Variants in FAXDC2 observed in about 807,000 individuals in gnomAD.
The protein encoded by FAXDC2 is fatty acid hydroxylase domain-containing protein 2.
Under a neutral mutation model 40.9 loss-of-function variants are expected in FAXDC2, and 41 were observed. That is an observed-to-expected ratio of 1.00 (90% CI 0.78 to 1.30). The LOEUF (loss-of-function observed/expected upper bound fraction) is 1.30, where lower values mean the gene tolerates loss of function less well. Among genes scored for constraint, FAXDC2 ranks in the 50% most tolerant of loss-of-function variants. The probability of loss-of-function intolerance (pLI) is 0.00; values close to 1 mark genes in which losing one functional copy is unlikely to be tolerated. For missense variants in FAXDC2, 390 were observed against 408.8 expected, an observed-to-expected ratio of 0.95 and a Z score of 0.40; for synonymous variants, 157 against 149.3, an observed-to-expected ratio of 1.05 and a Z score of -0.38.
chr5:154,842,512 G>GTT lies in FAXDC2; in HGVS notation c.1-4336_1-4335dup, dbSNP rs772426610. On this transcript the variant is annotated intron_variant, in intron 1 of 8. Coordinates refer to ENST00000326080, the MANE Select transcript of FAXDC2 (RefSeq NM_032385.5). ...AGCCACTGCGCTCAGCCCTTTGTGT[G>GTT]TTTTTTTTTTTTTTTTTTTTTTTTT... Among the ~76,000 whole-genome samples, 305 of 51,608 alleles carry GTT rather than the reference G, an allele frequency of 5.9e-3. 68 individuals are homozygous for GTT. The highest frequency in any genetic ancestry group is 7.8e-3 in the Non-Finnish European group (204 of 26,312). The allele number at this position is 51,608 out of a possible 152,430, so 33.9% of individuals were successfully genotyped here.
In FAXDC2 at chr5:154,824,239, A is replaced by G. The variant is rs1042732842; in HGVS notation, c.367-647T>C. The stretch of plus-strand genomic sequence containing the variant: ...AGTGTCCAAAGTCCATTTGGCCTCA[A>G]TACTGCAGCCAATATTTCCCCCAGA... On this transcript the variant is annotated intron_variant, in intron 5 of 8. Transcript: ENST00000326080. The G allele has an allele frequency of 2.6e-5, 14 of 534,556 alleles. No individual in the cohort carries two copies. In the African/African-American group the frequency reaches 2.7e-4, roughly 10 times the overall value. The allele number at this position is 534,556 out of a possible 1,614,324, so 33.1% of individuals were successfully genotyped here.
intron 1 of FAXDC2, among the ~76,000 whole-genome samples, chr5:154,839,657 GA>G (rs949507499): frequency 5.0e-4 from 71 of 142,110 alleles, no homozygotes; most frequent in African/African-American, 7.2e-4. Flanking sequence ...AAAAAAGAAA[GA>G]AAAAAAAAAG....
chr5:154,834,941 G>A lies in FAXDC2; in HGVS notation c.49-7C>T, dbSNP rs2113152140. Reference sequence around the variant, plus strand: ...AGCCCCAGATGTGTCCCTCCTGGAGGAGGGCAGGGAAGTGTCAGACCCCAG... The same window carrying A: ...AGCCCCAGATGTGTCCCTCCTGGAGAAGGGCAGGGAAGTGTCAGACCCCAG... On this transcript the variant is annotated splice_polypyrimidine_tract_variant and splice_region_variant and intron_variant, in intron 2 of 8. Coordinates refer to ENST00000326080, the MANE Select transcript of FAXDC2 (RefSeq NM_032385.5). The A allele has an allele frequency of 6.3e-7, 1 of 1,575,572 alleles. No homozygotes were observed. The highest frequency in any genetic ancestry group is 8.7e-7 in the Non-Finnish European group (1 of 1,154,954).
At chr5:154,831,064 G>A in intron 4 of FAXDC2, 142 bp from the exon 5 acceptor site, 2 of 913,680 alleles carry the variant, frequency 2.2e-6, no homozygotes, top group Non-Finnish European at 1.6e-6. Context: ...GGGACCAAGG[G>A]GTTACCTGTA....
At chr5:154,823,339 C>T (rs571060043) in intron 6 of FAXDC2, 48 bp downstream of exon 6, 1 of 1,567,204 alleles carries the variant, frequency 6.4e-7, no homozygotes, top group African/African-American at 1.4e-5. Flanking sequence ...ATCAGTGAGC[C>T]CTAGACAGGA....
Position 154,837,492 on chromosome 5 carries a change from G to A in FAXDC2, c.48+639C>T, listed in dbSNP as rs1317025438. Among the ~76,000 whole-genome samples the A allele has an allele frequency of 2.0e-5, 3 of 152,066 alleles. No homozygotes were observed. The East Asian group carries it at 5.8e-4, about 29-fold the overall frequency. On this transcript the variant is annotated intron_variant, in intron 2 of 8. Transcript: ENST00000326080. ...CTGTGTTTGCTAGACTGGTGACCTT[G>A]GGCTTTTCCAGTTATTCCTTTGTTT... is the stretch of plus-strand genomic sequence containing the variant.
rs141391059 is a variant in FAXDC2, at chr5:154,842,028, G to A, written c.1-3850C>T. On this transcript the variant is annotated intron_variant, in intron 1 of 8. Coordinates refer to ENST00000326080, the MANE Select transcript of FAXDC2 (RefSeq NM_032385.5). ...GCTGGGATTACAGGCATGAGCCACC[G>A]TGCCTGGCTTGTGTCATTTTCAGCC... Among the ~76,000 whole-genome samples, 1,021 of 151,928 alleles carry A rather than the reference G, an allele frequency of 6.7e-3. 13 individuals are homozygous for A. The highest frequency in any genetic ancestry group is 0.023 in the African/African-American group (946 of 41,426).
At chr5:154,823,682 G>C (rs1759946210) in intron 5 of FAXDC2, 90 bp from the exon 6 acceptor site, 1 of 1,068,390 alleles carries the variant, frequency 9.4e-7, no homozygotes, top group Non-Finnish European at 1.4e-6. Context: ...CACTCTGGTT[G>C]GATTCTGGGA....
chr5:154,824,558 C>A, intron 5 of FAXDC2: 1 of 702,624 alleles, frequency 1.4e-6, no homozygotes, highest in Non-Finnish European at 2.6e-6. Flanking sequence ...TCTCGCCAGC[C>A]TGTTGTGAGA....
intron 5 of FAXDC2, among the ~76,000 whole-genome samples, chr5:154,829,291 A>C (rs1315896762): frequency 6.6e-6 from 1 of 152,246 alleles, no homozygotes; most frequent in Non-Finnish European, 1.5e-5. Context: ...GAGAGTAAAC[A>C]GAGCAGGAAT....
intron 1 of FAXDC2, chr5:154,838,514 C>G: frequency 3.5e-6 from 1 of 285,906 alleles, no homozygotes; most frequent in South Asian, 4.1e-5. Flanking sequence ...GTCTTCATTT[C>G]TCCCTTTTAT....
At chr5:154,849,587 A>G (rs978582623) in intron 1 of FAXDC2, among the ~76,000 whole-genome samples, 7 of 152,224 alleles carry the variant, frequency 4.6e-5, no homozygotes, top group African/African-American at 1.4e-4. Context: ...AGTGTTCAAC[A>G]TTTGCTATGG....
At chr5:154,846,037 C>T (rs532586938) in intron 1 of FAXDC2, among the ~76,000 whole-genome samples, 1 of 151,896 alleles carries the variant, frequency 6.6e-6, no homozygotes, top group East Asian at 1.9e-4. Flanking sequence ...CTCCTGACCT[C>T]ATCATCTGCC....
At chr5:154,848,105 C>T (rs1210714785) in intron 1 of FAXDC2, among the ~76,000 whole-genome samples, 2 of 152,154 alleles carry the variant, frequency 1.3e-5, no homozygotes, top group Non-Finnish European at 2.9e-5. Flanking sequence ...TCCCAATGTG[C>T]TGGGATTACA....
chr5:154,824,253 A>G, intron 5 of FAXDC2: 1 of 551,574 alleles, frequency 1.8e-6, no homozygotes, highest in South Asian at 2.2e-5. Flanking sequence ...TGCAGCCAAT[A>G]TTTCCCCCAG....
intron 8 of FAXDC2, 52 bp downstream of exon 8, chr5:154,821,208 G>A (rs1759878899): frequency 2.1e-6 from 3 of 1,444,798 alleles, no homozygotes; most frequent in Middle Eastern, 2.1e-4. Flanking sequence ...AGCTTAAGGA[G>A]GGAGGGTGAT....
intron 4 of FAXDC2, among the ~76,000 whole-genome samples, chr5:154,832,070 C>T (rs1381964169): frequency 6.6e-6 from 1 of 152,136 alleles, no homozygotes; most frequent in African/African-American, 2.4e-5. Flanking sequence ...ATAAGTACAA[C>T]TATATACCCA....
rs893259575 is a variant in FAXDC2 at position 154,842,250 on chromosome 5, C to T, written c.1-4072G>A. On this transcript the variant is annotated intron_variant, in intron 1 of 8. Transcript: ENST00000326080. ...TCTCACTCTGTCACCTAGGCTGGAG[C>T]GTAGTGGCACAATCTCAGCTCACGG... 3.3e-5 allele frequency among the ~76,000 whole-genome samples: 5 copies of T among 150,272 alleles called. No homozygotes were observed. The East Asian group carries it at 1.0e-3, about 30-fold the overall frequency.
chr5:154,825,470 A>G (rs1760005160), intron 5 of FAXDC2, among the ~76,000 whole-genome samples: 1 of 151,654 alleles, frequency 6.6e-6, no homozygotes, highest in Non-Finnish European at 1.5e-5. Context: ...CAGCCTGACC[A>G]ATACGGTGAA....
Sources: gnomAD v4.1 joint callset for allele counts (sites outside exome capture counted in the v4.1 genomes callset) on GRCh38, gnomAD v4.1.1 for gene constraint, MANE v1.5 for transcripts, NCBI Gene and HGNC (gene_info 2026-07-23, HGNC 2026-07-21) for gene names.